Variants in ELOVL5 observed in about 807,000 individuals in gnomAD.
The protein encoded by ELOVL5 is ELOVL fatty acid elongase 5.
Under a neutral mutation model 38.6 loss-of-function variants are expected in ELOVL5, and 8 were observed. That is an observed-to-expected ratio of 0.21 (90% CI 0.12 to 0.37). ELOVL5 has a LOEUF of 0.37. Among genes scored for constraint, ELOVL5 ranks in the 10% least tolerant of loss-of-function variants. The probability of loss-of-function intolerance (pLI) is 1.00; values close to 1 mark genes in which losing one functional copy is unlikely to be tolerated. For missense variants in ELOVL5, 280 were observed against 367.8 expected (o/e 0.76, Z 1.95); for synonymous variants, 127 against 133.7 (o/e 0.95, Z 0.34).
intron 1 of ELOVL5, among the ~76,000 whole-genome samples, chr6:53,330,238 T>C (rs1306858259): frequency 1.6e-5 from 1 of 63,816 alleles, no homozygotes; most frequent in East Asian, 4.8e-4. Context: ...CAAGTATTTG[T>C]ATAGCTCAAC....
chr6:53,277,023 G>A (rs769531111), intron 3 of ELOVL5: 3 of 144,958 alleles, frequency 2.1e-5, no homozygotes, highest in Admixed American at 2.0e-4. Flanking sequence ...GTTATCACGG[G>A]CCCCTCCCCT....
At chr6:53,347,112 T>C (rs1165597473) in intron 1 of ELOVL5, among the ~76,000 whole-genome samples, 1 of 152,218 alleles carries the variant, frequency 6.6e-6, no homozygotes, top group Non-Finnish European at 1.5e-5. Context: ...TAGTAAGCCT[T>C]CTACTGTCGC....
At chr6:53,275,017 T>C in intron 5 of ELOVL5, 73 bp downstream of exon 5, 2 of 1,454,022 alleles carry the variant, frequency 1.4e-6, no homozygotes, top group Non-Finnish European at 1.9e-6. Context: ...AACAGCACCT[T>C]TTCTGAAAGC....
At chr6:53,325,878 A>G (rs1005626237) in intron 1 of ELOVL5, among the ~76,000 whole-genome samples, 3 of 152,256 alleles carry the variant, frequency 2.0e-5, no homozygotes, top group African/African-American at 7.2e-5. Context: ...CCACTCGACC[A>G]GAAAACCAAG....
chr6:53,345,835 C>CA (rs1468128962), intron 1 of ELOVL5, among the ~76,000 whole-genome samples: 1 of 152,152 alleles, frequency 6.6e-6, no homozygotes, highest in Non-Finnish European at 1.5e-5. Flanking sequence ...TTGCAGGAGA[C>CA]AGAGCTATAG....
At chr6:53,285,527 G>A (rs1292616465) in intron 3 of ELOVL5, among the ~76,000 whole-genome samples, 3 of 151,842 alleles carry the variant, frequency 2.0e-5, no homozygotes, top group Non-Finnish European at 2.9e-5. Flanking sequence ...TTATCTGGAA[G>A]ATTTAACTAA....
Position 53,348,859 on chromosome 6 carries a change from G to A in ELOVL5, c.-51C>T, listed in dbSNP as rs777734275. On this transcript the variant is annotated 5_prime_UTR_variant, in exon 1 of 8. Coordinates refer to ENST00000304434, the MANE Select transcript of ELOVL5 (RefSeq NM_021814.5). ...GGCAGCAGCTTTGAGCAGCAGCAAG[G>A]CGGCGGCGGCGGAGGGAGCGCGGGT... 10 of 452,780 alleles carry A rather than the reference G, an allele frequency of 2.2e-5. No homozygotes were observed. Among genetic ancestry groups the A allele is most frequent in the South Asian group, 1.5e-4 (10 of 64,752 alleles). The allele number at this position is 452,780 out of a possible 1,614,324, so 28.0% of individuals were successfully genotyped here. A position where few individuals can be genotyped will look rare whatever the true frequency, so the allele number is the denominator to read the frequency against.
At chr6:53,325,042 T>C (rs752167734) in intron 1 of ELOVL5, among the ~76,000 whole-genome samples, 9 of 152,154 alleles carry the variant, frequency 5.9e-5, no homozygotes, top group Non-Finnish European at 8.8e-5. Context: ...CGAAACAAGG[T>C]AGAAAAGCAC....
At chr6:53,300,611 T>C (rs745346524) in intron 1 of ELOVL5, among the ~76,000 whole-genome samples, 3 of 151,842 alleles carry the variant, frequency 2.0e-5, no homozygotes, top group Non-Finnish European at 4.4e-5. Context: ...AGGGAAAGGG[T>C]GGGTGTTCCA....
In ELOVL5 at chr6:53,275,326, C is replaced by T. The variant is rs970152622; in HGVS notation, c.325-65G>A. ...GGCTTCTCTGGAATATCACCTCTGA[C>T]ATGTTTCACTAATATCCAAAAATCT... On this transcript the variant is annotated intron_variant, in intron 4 of 7. Coordinates refer to ENST00000304434, the MANE Select transcript of ELOVL5 (RefSeq NM_021814.5). 3.9e-6 allele frequency: 6 copies of T among 1,527,010 alleles called. No homozygotes were observed. The African/African-American group carries it at 4.1e-5, about 10-fold the overall frequency. The allele number at this position is 1,527,010 out of a possible 1,614,324, so 94.6% of individuals were successfully genotyped here.
intron 3 of ELOVL5, among the ~76,000 whole-genome samples, chr6:53,289,618 G>GCTGAGGCAAGAGAAT (rs1317954531): frequency 6.6e-6 from 1 of 152,198 alleles, no homozygotes; most frequent in African/African-American, 2.4e-5. Flanking sequence ...TACTAGGGAG[G>GCTGAGGCAAGAGAAT]CTGAGGCAAG....
intron 1 of ELOVL5, among the ~76,000 whole-genome samples, chr6:53,324,072 G>A (rs996090653): frequency 4.6e-5 from 7 of 151,916 alleles, no homozygotes; most frequent in African/African-American, 1.4e-4. Flanking sequence ...GGTCAACATA[G>A]TGAAACCATG....
At chr6:53,328,876 C>G (rs946767467) in intron 1 of ELOVL5, among the ~76,000 whole-genome samples, 2 of 152,210 alleles carry the variant, frequency 1.3e-5, no homozygotes, top group African/African-American at 4.8e-5. Flanking sequence ...ACCACTACAG[C>G]CTTACCACAG....
At chr6:53,306,181 G>A (rs1399794850) in intron 1 of ELOVL5, among the ~76,000 whole-genome samples, 3 of 142,534 alleles carry the variant, frequency 2.1e-5, no homozygotes, top group African/African-American at 7.9e-5. Context: ...CTCGGCATGA[G>A]AGGGAGACCG....
At chr6:53,278,981 T>C (rs1277930782) in intron 3 of ELOVL5, among the ~76,000 whole-genome samples, 1 of 152,178 alleles carries the variant, frequency 6.6e-6, no homozygotes, top group Non-Finnish European at 1.5e-5. Context: ...TGCACACAAA[T>C]TGGACCTCTT....
chr6:53,293,357 G>A (rs1766848491), intron 2 of ELOVL5, among the ~76,000 whole-genome samples: 1 of 151,924 alleles, frequency 6.6e-6, no homozygotes, highest in Non-Finnish European at 1.5e-5. Flanking sequence ...TCACTCTGTC[G>A]CCCAGGCTGA....
At chr6:53,298,406 G>A (rs553624266) in intron 1 of ELOVL5, among the ~76,000 whole-genome samples, 1 of 152,248 alleles carries the variant, frequency 6.6e-6, no homozygotes, top group African/African-American at 2.4e-5. Flanking sequence ...CACATTAAAT[G>A]TACAATAATC....
rs562811293 is a variant in ELOVL5, at chr6:53,305,814, G to C, written c.-8-10107C>G. ...TCCCAGACGGGGTGGCGGCCGGGCA[G>C]AGGCTGCAATCTCCGCACTTTGTGG... On this transcript the variant is annotated intron_variant, in intron 1 of 7. Transcript: ENST00000304434. 5.0e-4 allele frequency among the ~76,000 whole-genome samples: 76 copies of C among 152,302 alleles called. 1 individual carries two copies. The highest frequency in any genetic ancestry group is 1.7e-3 in the African/African-American group (70 of 41,594).
intron 1 of ELOVL5, among the ~76,000 whole-genome samples, chr6:53,344,352 C>T (rs574231261): frequency 2.7e-4 from 41 of 152,300 alleles, no homozygotes; most frequent in African/African-American, 9.9e-4. Context: ...AGTCTGTGCT[C>T]ATGGCTGTGG....
Sources: gnomAD v4.1 joint callset for allele counts (sites outside exome capture counted in the v4.1 genomes callset) on GRCh38, gnomAD v4.1.1 for gene constraint, MANE v1.5 for transcripts, NCBI Gene and HGNC (gene_info 2026-07-23, HGNC 2026-07-21) for gene names.